DUSP4: variants seen among roughly 807,000 people sequenced by gnomAD.
The protein encoded by DUSP4 is dual specificity phosphatase 4.
DUSP4 carries 12 observed loss-of-function variants against 27.2 expected under a neutral mutation model. That is an observed-to-expected ratio of 0.44 (90% CI 0.28 to 0.71). The LOEUF (loss-of-function observed/expected upper bound fraction) is 0.71. Ranked by LOEUF, DUSP4 falls within the 30% of genes least tolerant of loss-of-function variation. DUSP4 has a pLI of 0.14. For synonymous variants in DUSP4, 257 were observed against 245.2 expected (o/e 1.05, Z -0.45); for missense variants, 448 against 551.3 (o/e 0.81, Z 1.88).
At position 29,349,986 on chromosome 8, in the gene DUSP4, C is replaced by A. The variant is rs1358004542; in HGVS notation, c.293G>T (p.Arg98Leu). ...PAEEEVRARLRSGLYSAVIVY... is the reference protein window; with the variant it reads ...PAEEEVRARLLSGLYSAVIVY... Reference sequence around the variant, plus strand: ...GATGACCGCCGAGTAGAGGCCGGAGCGCAAGCGGGCGCGTACCTCCTCCTC... The same window carrying A: ...GATGACCGCCGAGTAGAGGCCGGAGAGCAAGCGGGCGCGTACCTCCTCCTC... The change falls in exon 1 of 4, where the codon CGC becomes CTC. Residue 98 changes from arginine to leucine, a missense_variant. Arg to Leu is a moderately radical substitution (Grantham distance 102). Coordinates refer to ENST00000240100, the MANE Select transcript of DUSP4 (RefSeq NM_001394.7). 2 of 1,569,680 alleles carry A rather than the reference C, an allele frequency of 1.3e-6. No homozygotes were observed. The highest frequency in any genetic ancestry group is 1.4e-5 in the African/African-American group (1 of 73,686).
chr8:29,349,733 A>AAGAGAAGCTG, intron 1 of DUSP4, 113 bp downstream of exon 1: 1 of 1,337,660 alleles, frequency 7.5e-7, no homozygotes, highest in South Asian at 1.7e-5. Context: ...GCGCGCGGGG[A>AAGAGAAGCTG]TCCCCGCAAC....
rs1817808347 is a variant in DUSP4 at position 29,350,531 on chromosome 8, C to T, written c.-253G>A. On this transcript the variant is annotated 5_prime_UTR_variant, in exon 1 of 4. Coordinates refer to ENST00000240100, the MANE Select transcript of DUSP4 (RefSeq NM_001394.7). ...GCGCGCAGAGCGGAGGGGGAGGCGC[C>T]GGTGGAGGAGAGTGTGTTTACGAGA... The T allele has an allele frequency of 1.9e-6, 1 of 517,286 alleles. No homozygotes were observed. The allele number at this position is 517,286 out of a possible 1,614,324, so 32.0% of individuals were successfully genotyped here.
chr8:29,345,643 C>T, intron 1 of DUSP4: 2 of 1,479,190 alleles, frequency 1.4e-6, no homozygotes, highest in Non-Finnish European at 1.8e-6. Context: ...AGTGGCCACC[C>T]TTTCTCTCTC....
At position 29,349,924 on chromosome 8, in the gene DUSP4, G is replaced by A. The variant is rs750486979; in HGVS notation, c.355C>T (p.Arg119Cys). Residue 119 changes from arginine (R) to cysteine (C), a missense_variant, in exon 1 of 4, where the codon CGC becomes TGC. This residue lies in a region of DUSP4 where 345 missense variants were observed against 394.0 expected (regional missense o/e 0.88). Coordinates refer to ENST00000240100, the MANE Select transcript of DUSP4 (RefSeq NM_001394.7). ...ACCAGCGACACGGTGCTGTCCTCGC[G>A]GAGGCTCTCGGCGCGCGGGCTGCGC... ...DERSPRAESL[R>C]EDSTVSLVVQ... The A allele has an allele frequency of 1.3e-6, 2 of 1,593,154 alleles. No homozygotes were observed. Among genetic ancestry groups the A allele is most frequent in the Non-Finnish European group, 1.7e-6 (2 of 1,174,166 alleles).
At chr8:29,348,299 G>T in intron 1 of DUSP4, 4 of 985,568 alleles carry the variant, frequency 4.1e-6, no homozygotes, top group Non-Finnish European at 4.8e-6. Flanking sequence ...CACCAGCGCC[G>T]ACAAGCTCAA....
chr8:29,334,344 T>C lies in DUSP4; in HGVS notation c.*2682A>G, dbSNP rs1395375860. The C allele has an allele frequency of 1.3e-5, 2 of 152,224 alleles. No individual in the cohort carries two copies. Among genetic ancestry groups the C allele is most frequent in the Non-Finnish European group, 2.9e-5 (2 of 68,042 alleles). 9.4% of individuals were successfully genotyped at this position (152,224 alleles called of 1,614,324 possible). The stretch of plus-strand genomic sequence containing the variant: ...TCTTCATCAGAGCTATTGTAAGTCA[T>C]CCAAAAGGCTTCTGACGAAAGAACA... On this transcript the variant is annotated 3_prime_UTR_variant, in exon 4 of 4. Coordinates refer to ENST00000240100, the MANE Select transcript of DUSP4 (RefSeq NM_001394.7).
intron 1 of DUSP4, chr8:29,347,734 G>C: frequency 1.0e-6 from 1 of 984,854 alleles, no homozygotes; most frequent in Non-Finnish European, 1.2e-6. Context: ...AGCCCTTAAA[G>C]TACTTCTCTT....
intron 1 of DUSP4, among the ~76,000 whole-genome samples, chr8:29,343,809 T>C (rs1393674558): frequency 6.6e-6 from 1 of 152,192 alleles, no homozygotes; most frequent in African/African-American, 2.4e-5. Flanking sequence ...TGTGCATGTA[T>C]CCCTCTCCTG....
intron 1 of DUSP4, among the ~76,000 whole-genome samples, chr8:29,342,948 A>G (rs991837562): frequency 6.6e-6 from 1 of 152,160 alleles, no homozygotes; most frequent in Non-Finnish European, 1.5e-5. Context: ...CGGGTGGATC[A>G]CGAGGTCAGG....
intron 1 of DUSP4, among the ~76,000 whole-genome samples, chr8:29,341,974 A>G (rs766432795): frequency 6.6e-6 from 1 of 152,210 alleles, no homozygotes; most frequent in South Asian, 2.1e-4. Flanking sequence ...CCTTTTGTCT[A>G]TTACATAATT....
chr8:29,343,535 C>T (rs1303772578), intron 1 of DUSP4, among the ~76,000 whole-genome samples: 4 of 152,196 alleles, frequency 2.6e-5, no homozygotes, highest in Non-Finnish European at 1.5e-5. Context: ...CTGCCTTCCA[C>T]CCCTTCCTGG....
chr8:29,337,600 C>T lies in DUSP4; in HGVS notation c.800-189G>A, dbSNP rs540275706. Among the ~76,000 whole-genome samples the T allele has an allele frequency of 1.3e-5, 2 of 152,306 alleles. No individual in the cohort carries two copies. Among genetic ancestry groups the T allele is most frequent in the East Asian group, 1.9e-4 (1 of 5,184 alleles). ...CCCCCAATTCTGAGGTCTATTTTCCCGAATCACTATGCTGAAGCTGGTTAA... is the reference window on the plus strand; with the variant it reads ...CCCCCAATTCTGAGGTCTATTTTCCTGAATCACTATGCTGAAGCTGGTTAA... On this transcript the variant is annotated intron_variant, in intron 3 of 3. Coordinates refer to ENST00000240100, the MANE Select transcript of DUSP4 (RefSeq NM_001394.7). The surrounding 1 kb of genome is among the most constrained non-coding windows in gnomAD (Gnocchi z 6.4).
chr8:29,348,583 C>T lies in DUSP4; in HGVS notation c.433+1263G>A, dbSNP rs937812936. The stretch of plus-strand genomic sequence containing the variant: ...ATGGGCAGGAAACAACTGCGGGGAA[C>T]AAAGCCCCCCGCTGTCCGGCAGGGG... On this transcript the variant is annotated intron_variant, in intron 1 of 3. Transcript: ENST00000240100. The T allele has an allele frequency of 5.1e-6, 5 of 985,470 alleles. No homozygotes were observed. The African/African-American group carries it at 8.7e-5, about 17-fold the overall frequency. 61.0% of individuals were successfully genotyped at this position (985,470 alleles called of 1,614,324 possible). A position where few individuals can be genotyped will look rare whatever the true frequency, so the allele number is the denominator to read the frequency against.
chr8:29,346,543 T>C (rs1323544303), intron 1 of DUSP4, among the ~76,000 whole-genome samples: 2 of 152,204 alleles, frequency 1.3e-5, no homozygotes, highest in South Asian at 4.1e-4. Flanking sequence ...TCAAGAAGTG[T>C]ATTGTGATAA....
intron 1 of DUSP4, chr8:29,348,364 C>A (rs2117277564): frequency 1.0e-6 from 1 of 985,690 alleles, no homozygotes; most frequent in Non-Finnish European, 1.2e-6. Context: ...CCCCGCTCAG[C>A]CGCCAGGCCT....
chr8:29,340,249 A>G lies in DUSP4; in HGVS notation c.434-6T>C. 6.2e-7 allele frequency: 1 copy of G among 1,603,860 alleles called. No individual in the cohort carries two copies. The highest frequency in any genetic ancestry group is 8.5e-7 in the Non-Finnish European group (1 of 1,175,002). On this transcript the variant is annotated splice_region_variant and splice_polypyrimidine_tract_variant and intron_variant, in intron 1 of 3. Transcript: ENST00000240100. ...GGAAAACCTCTCATAGCCGCCTGTA[A>G]AGGAGAAAGAAGCTCAGGTTAATGG... is the stretch of plus-strand genomic sequence containing the variant.
intron 2 of DUSP4, 124 bp downstream of exon 2, chr8:29,339,974 T>C: frequency 7.6e-7 from 1 of 1,307,474 alleles, no homozygotes; most frequent in Non-Finnish European, 1.0e-6. Flanking sequence ...CACTCCTGGG[T>C]GACAGAGCAA....
At chr8:29,347,994 C>T (rs1817760333) in intron 1 of DUSP4, 1 of 985,434 alleles carries the variant, frequency 1.0e-6, no homozygotes, top group Non-Finnish European at 1.2e-6. Flanking sequence ...TGGCTGCACC[C>T]CCGGAAGCCC....
chr8:29,333,824 C>T lies in DUSP4; in HGVS notation c.*3202G>A, dbSNP rs550943678. 1 of 152,268 alleles carries T rather than the reference C, an allele frequency of 6.6e-6. No individual in the cohort carries two copies. The highest frequency in any genetic ancestry group is 1.5e-5 in the Non-Finnish European group (1 of 68,090). The allele number at this position is 152,268 out of a possible 1,614,324, so 9.4% of individuals were successfully genotyped here. A position where few individuals can be genotyped will look rare whatever the true frequency, so the allele number is the denominator to read the frequency against. ...GGGACCATGGCTTTACTACTACAGGCTTGGTTGATGGCCAATTCCCAATCT... is the reference window on the plus strand; with the variant it reads ...GGGACCATGGCTTTACTACTACAGGTTTGGTTGATGGCCAATTCCCAATCT... On this transcript the variant is annotated 3_prime_UTR_variant, in exon 4 of 4. Coordinates refer to ENST00000240100, the MANE Select transcript of DUSP4 (RefSeq NM_001394.7).
Sources: gnomAD v4.1 joint callset for allele counts (sites outside exome capture counted in the v4.1 genomes callset) on GRCh38, gnomAD v4.1.1 for gene constraint, gnomAD v4.1.1 regional missense constraint, Gnocchi (gnomAD v3.1) non-coding constraint, MANE v1.5 for transcripts, NCBI Gene and HGNC (gene_info 2026-07-23, HGNC 2026-07-21) for gene names.